Variants in CDK14 observed in about 807,000 individuals in gnomAD.
CDK14 encodes cyclin-dependent kinase 14.
In CDK14, 34 loss-of-function variants were observed where a neutral mutation model predicts 60.7. That is an observed-to-expected ratio of 0.56 (90% confidence interval 0.43 to 0.75). The LOEUF (loss-of-function observed/expected upper bound fraction) is 0.75, where lower values mean the gene tolerates loss of function less well. Ranked by LOEUF, CDK14 falls within the 30% of genes least tolerant of loss-of-function variation. The probability of loss-of-function intolerance (pLI) is 0.00; values close to 1 mark genes in which losing one functional copy is unlikely to be tolerated. For synonymous variants in CDK14, 197 were observed against 203.7 expected (o/e 0.97, Z 0.28); for missense variants, 482 against 564.1 (o/e 0.85, Z 1.47).
intron 14 of CDK14, among the ~76,000 whole-genome samples, chr7:91,180,042 A>G (rs1801945752): frequency 6.6e-6 from 1 of 152,216 alleles, no homozygotes; most frequent in South Asian, 2.1e-4. Flanking sequence ...AACATATTAC[A>G]TTAGAATAAA....
chr7:91,170,125 T>G (rs573807427), intron 14 of CDK14, among the ~76,000 whole-genome samples: 2 of 152,214 alleles, frequency 1.3e-5, no homozygotes, highest in Non-Finnish European at 2.9e-5. Context: ...TTTTGCTCTG[T>G]GATGACACGA....
At chr7:90,790,855 G>A (rs989209271) in intron 5 of CDK14, among the ~76,000 whole-genome samples, 2 of 152,206 alleles carry the variant, frequency 1.3e-5, no homozygotes, top group Non-Finnish European at 2.9e-5. Context: ...TCTGCTGTGT[G>A]CTCAGATGTG....
chr7:90,881,369 GA>G (rs1407726793), intron 6 of CDK14, among the ~76,000 whole-genome samples: 1 of 152,028 alleles, frequency 6.6e-6, no homozygotes, highest in Non-Finnish European at 1.5e-5. Context: ...CCACTTTACT[GA>G]AATAAGACAT....
intron 8 of CDK14, among the ~76,000 whole-genome samples, chr7:90,928,935 C>A (rs1793506400): frequency 6.6e-6 from 1 of 152,192 alleles, no homozygotes; most frequent in Non-Finnish European, 1.5e-5. Context: ...ACGCCCCTCC[C>A]TCAGCCTGGC....
intron 2 of CDK14, among the ~76,000 whole-genome samples, chr7:90,708,594 T>C (rs1398381961): frequency 3.9e-5 from 6 of 152,164 alleles, no homozygotes; most frequent in African/African-American, 1.4e-4. Context: ...ATGATGAAGG[T>C]GAAGATAGTT....
At chr7:91,070,502 T>C (rs1798109931) in intron 11 of CDK14, among the ~76,000 whole-genome samples, 1 of 152,244 alleles carries the variant, frequency 6.6e-6, no homozygotes, top group African/African-American at 2.4e-5. Flanking sequence ...CTCATGCCTA[T>C]AATTCCAGCC....
At chr7:90,842,519 G>A (rs1319133077) in intron 5 of CDK14, among the ~76,000 whole-genome samples, 1 of 152,128 alleles carries the variant, frequency 6.6e-6, no homozygotes, top group Non-Finnish European at 1.5e-5. Context: ...AGCAGAAGCT[G>A]CTAGAAAGAC....
intron 5 of CDK14, among the ~76,000 whole-genome samples, chr7:90,819,893 C>T (rs1380295701): frequency 6.6e-6 from 1 of 152,070 alleles, no homozygotes; most frequent in Non-Finnish European, 1.5e-5. Flanking sequence ...CAAATAAATA[C>T]TAGAATGTTT....
chr7:91,156,165 T>C (rs1800976154), intron 14 of CDK14, among the ~76,000 whole-genome samples: 1 of 152,214 alleles, frequency 6.6e-6, no homozygotes, highest in African/African-American at 2.4e-5. Flanking sequence ...TGCCCACTAC[T>C]GGTGTTTCCC....
chr7:90,672,778 A>G (rs1366986405), intron 2 of CDK14, among the ~76,000 whole-genome samples: 2 of 151,886 alleles, frequency 1.3e-5, no homozygotes, highest in African/African-American at 4.8e-5. Flanking sequence ...TCAGCCTCCT[A>G]AAGTGCTGGG....
At chr7:91,132,655 A>C (rs1036505419) in intron 14 of CDK14, among the ~76,000 whole-genome samples, 1 of 152,176 alleles carries the variant, frequency 6.6e-6, no homozygotes, top group African/African-American at 2.4e-5. Flanking sequence ...GAAAATAAAC[A>C]AGATTCCATT....
intron 2 of CDK14, among the ~76,000 whole-genome samples, chr7:90,642,401 A>T (rs991523815): frequency 2.6e-5 from 4 of 152,136 alleles, no homozygotes; most frequent in Non-Finnish European, 5.9e-5. Context: ...CCCCCTATAT[A>T]AGTACTTTCT....
intron 5 of CDK14, among the ~76,000 whole-genome samples, chr7:90,861,855 A>T (rs933382487): frequency 1.3e-5 from 2 of 152,176 alleles, no homozygotes; most frequent in African/African-American, 4.8e-5. Flanking sequence ...TCTACCCAAA[A>T]CGACTCTCAA....
At chr7:90,845,318 A>G (rs1395193985) in intron 5 of CDK14, among the ~76,000 whole-genome samples, 1 of 152,170 alleles carries the variant, frequency 6.6e-6, no homozygotes, top group East Asian at 1.9e-4. Context: ...ATATTACACT[A>G]TGTAAATCTG....
intron 9 of CDK14, among the ~76,000 whole-genome samples, chr7:90,963,740 G>T (rs1794674815): frequency 2.9e-5 from 4 of 136,206 alleles, no homozygotes; most frequent in Admixed American, 1.6e-4. Context: ...TTTTGAGACG[G>T]AGTCTTACTC....
chr7:90,676,017 A>G (rs7808418), intron 2 of CDK14, among the ~76,000 whole-genome samples: 130,869 of 152,190 alleles, frequency 0.86, 56,562 homozygotes, highest in East Asian at 1. Context: ...CCTAAGAATA[A>G]TCATTATGTA....
chr7:91,056,629 A>G (rs901211384), intron 11 of CDK14, among the ~76,000 whole-genome samples: 2 of 151,320 alleles, frequency 1.3e-5, no homozygotes, highest in Non-Finnish European at 2.9e-5. Flanking sequence ...TCATTGTTCA[A>G]TTCCCACCTA....
At chr7:90,672,503 T>G (rs13231566) in intron 2 of CDK14, among the ~76,000 whole-genome samples, 1 of 3,490 alleles carries the variant, frequency 2.9e-4, no homozygotes, top group Non-Finnish European at 6.1e-4. Context: ...TCTTCTTCTG[T>G]TTTTTTTTTT....
intron 2 of CDK14, among the ~76,000 whole-genome samples, chr7:90,630,038 CAAACAAAACAAAACAAAACA>C (rs55947583): frequency 6.8e-5 from 7 of 102,856 alleles, no homozygotes; most frequent in African/African-American, 1.4e-4. Context: ...GACACTGTCT[CAAACAAAACAAAACAAAACA>C]AAACAAAACA....
Sources: allele counts gnomAD v4.1 joint callset (sites outside exome capture counted in the v4.1 genomes callset), GRCh38; gene constraint gnomAD v4.1.1; transcripts MANE v1.5; gene names NCBI Gene and HGNC (gene_info 2026-07-23, HGNC 2026-07-21).